The following MTX2 variants were observed in gnomAD, a reference collection of about 807,000 sequenced individuals.
MTX2 encodes the protein metaxin-2.
In MTX2, 35 loss-of-function variants were observed where a neutral mutation model predicts 42.3. The observed-to-expected ratio is 0.83, with a 90% CI of 0.63 to 1.10. The LOEUF is 1.10. MTX2 is among the 50% of genes least tolerant of loss of function. The pLI, the probability that MTX2 is intolerant of heterozygous loss-of-function variation, is 0.00. For missense variants in MTX2, 307 were observed against 304.1 expected (o/e 1.01, Z -0.07); for synonymous variants, 119 against 100.9 (o/e 1.18, Z -1.08).
chr2:176,286,002 AT>A (rs1389613089), intron 1 of MTX2, among the ~76,000 whole-genome samples: 7 of 152,126 alleles, frequency 4.6e-5, no homozygotes, highest in South Asian at 2.1e-4. Flanking sequence ...AGAATTTTTG[AT>A]TTCTCCACAT....
At chr2:176,279,971 A>T (rs1405231118) in intron 1 of MTX2, among the ~76,000 whole-genome samples, 3 of 152,256 alleles carry the variant, frequency 2.0e-5, no homozygotes, top group Non-Finnish European at 4.4e-5. Context: ...TATCATAGGT[A>T]AATGACTATT....
At chr2:176,331,782 T>A (rs992010250) in intron 9 of MTX2, among the ~76,000 whole-genome samples, 3 of 151,148 alleles carry the variant, frequency 2.0e-5, no homozygotes, top group Non-Finnish European at 4.5e-5. Context: ...TATCCAAATG[T>A]CAATATTACG....
At chr2:176,313,943 A>G (rs1326952329) in intron 3 of MTX2, among the ~76,000 whole-genome samples, 1 of 152,094 alleles carries the variant, frequency 6.6e-6, no homozygotes, top group Non-Finnish European at 1.5e-5. Context: ...AGCAATCTCA[A>G]TGAGTTAGCG....
intron 3 of MTX2, among the ~76,000 whole-genome samples, chr2:176,299,990 T>C (rs1370760556): frequency 6.6e-6 from 1 of 152,136 alleles, no homozygotes; most frequent in Non-Finnish European, 1.5e-5. Context: ...AAAAATAATT[T>C]TTTTTTCCTG....
At chr2:176,326,969 A>G in intron 5 of MTX2, 68 bp downstream of exon 5, 1 of 888,032 alleles carries the variant, frequency 1.1e-6, no homozygotes, top group Non-Finnish European at 1.7e-6. Flanking sequence ...ATGTGTCTTA[A>G]CATTTACATT....
At chr2:176,320,345 C>T (rs977509242) in intron 3 of MTX2, among the ~76,000 whole-genome samples, 1 of 152,054 alleles carries the variant, frequency 6.6e-6, no homozygotes, top group African/African-American at 2.4e-5. Context: ...AGCATAGTTA[C>T]CACTACGCAT....
In MTX2 at chr2:176,269,489, C is replaced by T. The variant is rs1218269331; in HGVS notation, c.-141C>T. ...AACCTTGGGGGCCTCACTGCAGCCG[C>T]CGCTGCTGTTGGAGTGGGCTTTGCG... is the stretch of plus-strand genomic sequence containing the variant. On this transcript the variant is annotated 5_prime_UTR_variant, in exon 1 of 10. Coordinates refer to ENST00000249442, the MANE Select transcript of MTX2 (RefSeq NM_006554.5). 2.0e-5 allele frequency: 19 copies of T among 939,576 alleles called. No homozygotes were observed. Among genetic ancestry groups the T allele is most frequent in the African/African-American group, 5.2e-5 (3 of 57,294 alleles). 58.2% of individuals were successfully genotyped at this position (939,576 alleles called of 1,614,324 possible).
chr2:176,274,964 A>G (rs1169500696), intron 1 of MTX2, among the ~76,000 whole-genome samples: 1 of 152,188 alleles, frequency 6.6e-6, no homozygotes, highest in Admixed American at 6.5e-5. Context: ...CTTGTAGCCC[A>G]CTTTAGAGAC....
chr2:176,313,388 C>CTTTTTTTT (rs1207416607), intron 3 of MTX2, among the ~76,000 whole-genome samples: 62 of 103,484 alleles, frequency 6.0e-4, no homozygotes, highest in African/African-American at 2.2e-3. Context: ...TACACTGATT[C>CTTTTTTTT]TTTTTTTTTT....
Position 176,328,928 on chromosome 2 carries a change from A to G in MTX2, c.417+16A>G. 6.3e-7 allele frequency: 1 copy of G among 1,593,834 alleles called. No homozygotes were observed. Among genetic ancestry groups the G allele is most frequent in the Non-Finnish European group, 8.6e-7 (1 of 1,164,302 alleles). On this transcript the variant is annotated intron_variant, in intron 7 of 9. Transcript: ENST00000249442. ...AGTAGGGGAGGTGAGTGGTTCTGTA[A>G]CATTTATCTTAATTAAAATTTAATG...
intron 4 of MTX2, among the ~76,000 whole-genome samples, chr2:176,324,505 C>T (rs755151991): frequency 2.0e-5 from 3 of 151,432 alleles, no homozygotes; most frequent in Non-Finnish European, 4.4e-5. Flanking sequence ...TGGTTTTATA[C>T]GTAGATTTTA....
At chr2:176,270,265 G>C (rs1337205347) in intron 1 of MTX2, 1 of 1,009,402 alleles carries the variant, frequency 9.9e-7, no homozygotes, top group Admixed American at 3.2e-5. Context: ...CCGCTTCCCG[G>C]GTTCAAGCGA....
chr2:176,302,685 A>G (rs946035070), intron 3 of MTX2, among the ~76,000 whole-genome samples: 2 of 152,020 alleles, frequency 1.3e-5, no homozygotes, highest in African/African-American at 4.8e-5. Context: ...TGATCCACCC[A>G]TCTCAGCCTC....
intron 1 of MTX2, among the ~76,000 whole-genome samples, chr2:176,282,028 G>T (rs1693088325): frequency 2.0e-5 from 3 of 150,030 alleles, no homozygotes. Flanking sequence ...CGGAGAGAAA[G>T]TGAATTCTTG....
At position 176,282,030 on chromosome 2, in the gene MTX2, G is replaced by A. The variant is rs1296548550; in HGVS notation, c.40+12361G>A. On this transcript the variant is annotated intron_variant, in intron 1 of 9. Coordinates refer to ENST00000249442, the MANE Select transcript of MTX2 (RefSeq NM_006554.5). ...CCACTGAATGATTCGGAGAGAAAGTGAATTCTTGAGTTTACACTGTTGAAT... is the reference window on the plus strand; with the variant it reads ...CCACTGAATGATTCGGAGAGAAAGTAAATTCTTGAGTTTACACTGTTGAAT... Among the ~76,000 whole-genome samples, 23 of 148,692 alleles carry A rather than the reference G, an allele frequency of 1.5e-4. No individual in the cohort carries two copies. The Admixed American group carries it at 1.6e-3, about 10-fold the overall frequency.
At chr2:176,292,476 C>T (rs1693351136) in intron 1 of MTX2, among the ~76,000 whole-genome samples, 5 of 152,178 alleles carry the variant, frequency 3.3e-5, no homozygotes, top group Admixed American at 3.3e-4. Flanking sequence ...TGATTACTGA[C>T]TTTGACCTTG....
rs534878378 is a variant in MTX2, at chr2:176,316,974, A to T, written c.136-6418A>T. Among the ~76,000 whole-genome samples, 14 of 149,974 alleles carry T rather than the reference A, an allele frequency of 9.3e-5. No homozygotes were observed. In the South Asian group the frequency reaches 3.0e-3, roughly 32 times the overall value. Reference sequence around the variant, plus strand: ...AAAGTGCCCTCAAAAGGTCACATTGATTGTATATTACAACCAGTGGTTGAC... The same window carrying T: ...AAAGTGCCCTCAAAAGGTCACATTGTTTGTATATTACAACCAGTGGTTGAC... On this transcript the variant is annotated intron_variant, in intron 3 of 9. Transcript: ENST00000249442.
intron 9 of MTX2, among the ~76,000 whole-genome samples, chr2:176,335,176 T>C (rs1309052081): frequency 6.6e-6 from 1 of 152,066 alleles, no homozygotes; most frequent in Non-Finnish European, 1.5e-5. Context: ...TTAAACCTTA[T>C]TCTAAAAAAT....
chr2:176,302,822 C>G (rs925961446), intron 3 of MTX2, among the ~76,000 whole-genome samples: 2 of 152,144 alleles, frequency 1.3e-5, no homozygotes, highest in Admixed American at 6.5e-5. Context: ...TTAGCTGACC[C>G]TTGCATTTTC....
Sources: allele counts gnomAD v4.1 joint callset (sites outside exome capture counted in the v4.1 genomes callset), GRCh38; gene constraint gnomAD v4.1.1; transcripts MANE v1.5; gene names NCBI Gene and HGNC (gene_info 2026-07-23, HGNC 2026-07-21).